EYS: variants seen among roughly 807,000 people sequenced by gnomAD.
The protein encoded by EYS is EGF-like photoreceptor maintenance factor, also known as protein eyes shut homolog.
In EYS, 250 loss-of-function variants were observed where a neutral mutation model predicts 282.1. That is an observed-to-expected ratio of 0.89 (90% CI 0.80 to 0.98). The LOEUF (loss-of-function observed/expected upper bound fraction) is 0.98. EYS is among the 50% of genes least tolerant of loss of function. The pLI is 0.00. For synonymous variants in EYS, 1,355 were observed against 1,282.9 expected (o/e 1.06, Z -1.20); for missense variants, 4,016 against 3,709.0 (o/e 1.08, Z -2.15).
intron 31 of EYS, among the ~76,000 whole-genome samples, chr6:64,121,309 A>G (rs1159130197): frequency 6.6e-6 from 1 of 152,250 alleles, no homozygotes; most frequent in East Asian, 1.9e-4. Context: ...ATTATGTGGA[A>G]CAGGAGTTCC....
At chr6:64,498,062 A>G (rs1232163375) in intron 26 of EYS, among the ~76,000 whole-genome samples, 1 of 152,140 alleles carries the variant, frequency 6.6e-6, no homozygotes, top group African/African-American at 2.4e-5. Flanking sequence ...CACTTTATTT[A>G]GACACTTTCA....
chr6:65,443,551 C>CACATACAT (rs1361291365), intron 5 of EYS, among the ~76,000 whole-genome samples: 12 of 150,318 alleles, frequency 8.0e-5, no homozygotes, highest in East Asian at 3.9e-4. Flanking sequence ...ACACATGATA[C>CACATACAT]GCATACATGT....
At chr6:64,959,659 A>AT (rs1014980873) in intron 14 of EYS, among the ~76,000 whole-genome samples, 12 of 151,938 alleles carry the variant, frequency 7.9e-5, no homozygotes, top group Non-Finnish European at 1.8e-4. Context: ...GAACTCAGTG[A>AT]TTTTTTTTAC....
chr6:64,465,732 T>TAA (rs34941005), intron 26 of EYS, among the ~76,000 whole-genome samples: 71 of 143,942 alleles, frequency 4.9e-4, no homozygotes, highest in Admixed American at 1.1e-3. Context: ...GCCAAAAAAG[T>TAA]AAAAAAAAAA....
intron 31 of EYS, among the ~76,000 whole-genome samples, chr6:64,149,775 A>G (rs1252502232): frequency 6.6e-6 from 1 of 152,162 alleles, no homozygotes; most frequent in Non-Finnish European, 1.5e-5. Context: ...TCTCTTAGCC[A>G]TTGTGTTATA....
At chr6:64,500,168 A>G (rs1776993992) in intron 26 of EYS, among the ~76,000 whole-genome samples, 3 of 152,116 alleles carry the variant, frequency 2.0e-5, no homozygotes, top group Admixed American at 2.0e-4. Flanking sequence ...AATATCCTGT[A>G]TACAGATCCA....
At chr6:64,418,782 GA>G (rs35239005) in intron 28 of EYS, among the ~76,000 whole-genome samples, 133 of 149,092 alleles carry the variant, frequency 8.9e-4, no homozygotes, top group African/African-American at 2.6e-3. Context: ...CTGTCCCATG[GA>G]AAAAAAAAAG....
At chr6:64,760,591 G>T (rs1583125836) in intron 22 of EYS, among the ~76,000 whole-genome samples, 1 of 152,144 alleles carries the variant, frequency 6.6e-6, no homozygotes, top group Non-Finnish European at 1.5e-5. Context: ...TCATGGCCAT[G>T]GCAAAGAAAG....
rs187913943 is a variant in EYS at position 64,688,743 on chromosome 6, C to T, written c.3444-62498G>A. On this transcript the variant is annotated intron_variant, in intron 22 of 42. Transcript: ENST00000503581. ...GTTCTGGAGATGTCTATTAGGTCCG[C>T]TTGGTGCAGAGCTGAGTTCAATTCC... 5.1e-3 allele frequency among the ~76,000 whole-genome samples: 780 copies of T among 152,196 alleles called. 3 individuals are homozygous for T. Among genetic ancestry groups the T allele is most frequent in the Non-Finnish European group, 9.0e-3 (615 of 68,008 alleles).
chr6:64,573,202 G>A (rs1197758049), intron 26 of EYS, among the ~76,000 whole-genome samples: 4 of 152,146 alleles, frequency 2.6e-5, no homozygotes, highest in Non-Finnish European at 5.9e-5. Context: ...AAATGGTATT[G>A]GGAAAACTGG....
rs568164763 is a variant in EYS, at chr6:65,563,392, T to C, written c.-332-67399A>G. ...CAGAGTAATTGCAGGAGAAAATTAA[T>C]ATAAAACTATGTTATATTTTTTATT... On this transcript the variant is annotated intron_variant, in intron 2 of 42. Transcript: ENST00000503581. Among the ~76,000 whole-genome samples the C allele has an allele frequency of 1.5e-3, 221 of 152,246 alleles. 1 individual carries two copies. The highest frequency in any genetic ancestry group is 5.2e-3 in the African/African-American group (217 of 41,578).
intron 1 of EYS, among the ~76,000 whole-genome samples, chr6:65,655,780 C>T (rs942047536): frequency 1.3e-5 from 2 of 151,692 alleles, no homozygotes; most frequent in Non-Finnish European, 2.9e-5. Flanking sequence ...TATGGATGAG[C>T]AAATAACATG....
chr6:65,493,553 C>T (rs899661644), intron 4 of EYS, among the ~76,000 whole-genome samples: 1 of 152,164 alleles, frequency 6.6e-6, no homozygotes, highest in Non-Finnish European at 1.5e-5. Context: ...TTTAAATGTT[C>T]CCTACATTTT....
intron 22 of EYS, among the ~76,000 whole-genome samples, chr6:64,662,602 C>G (rs1407749785): frequency 6.6e-6 from 1 of 152,118 alleles, no homozygotes; most frequent in African/African-American, 2.4e-5. Context: ...CAAATGCTCT[C>G]TAGTCTGTTT....
At chr6:64,011,294 C>A (rs1467212645) in intron 33 of EYS, among the ~76,000 whole-genome samples, 2 of 152,062 alleles carry the variant, frequency 1.3e-5, no homozygotes, top group Non-Finnish European at 2.9e-5. Context: ...CCGAAATCCC[C>A]CATTTTCTTT....
intron 30 of EYS, among the ~76,000 whole-genome samples, chr6:64,233,983 T>C (rs1214116418): frequency 6.6e-6 from 1 of 152,206 alleles, no homozygotes; most frequent in East Asian, 1.9e-4. Context: ...CAACAGACAT[T>C]TGTCTGGCAC....
At chr6:63,737,773 G>T (rs1768957975) in intron 41 of EYS, among the ~76,000 whole-genome samples, 1 of 152,122 alleles carries the variant, frequency 6.6e-6, no homozygotes, top group Non-Finnish European at 1.5e-5. Flanking sequence ...CACAGCAAAA[G>T]AAACTACCAT....
At chr6:65,685,883 T>A (rs1158812330) in intron 1 of EYS, among the ~76,000 whole-genome samples, 1 of 152,062 alleles carries the variant, frequency 6.6e-6, no homozygotes, top group South Asian at 2.1e-4. Flanking sequence ...TTCTAAACAT[T>A]AAATTCATAT....
chr6:64,533,917 A>G (rs900590646), intron 26 of EYS, among the ~76,000 whole-genome samples: 3 of 151,990 alleles, frequency 2.0e-5, no homozygotes, highest in South Asian at 4.1e-4. Flanking sequence ...TAGGGTTTAT[A>G]TCACATGCAG....
Sources: gnomAD v4.1 joint callset for allele counts (sites outside exome capture counted in the v4.1 genomes callset) on GRCh38, gnomAD v4.1.1 for gene constraint, MANE v1.5 for transcripts, NCBI Gene and HGNC (gene_info 2026-07-23, HGNC 2026-07-21) for gene names.